The following HECW1 variants were observed in gnomAD, a reference collection of about 807,000 sequenced individuals.
HECW1 encodes the protein E3 ubiquitin-protein ligase HECW1.
HECW1 carries 61 observed loss-of-function variants against 182.3 expected under a neutral mutation model. The observed-to-expected ratio is 0.33, with a 90% confidence interval of 0.27 to 0.41. HECW1 has a LOEUF of 0.41. HECW1 is among the 10% of genes least tolerant of loss of function. The pLI, the probability that HECW1 is intolerant of heterozygous loss-of-function variation, is 1.00. For missense variants in HECW1, 1,739 were observed against 2,108.9 expected (o/e 0.82, Z 3.44); for synonymous variants, 859 against 832.6 (o/e 1.03, Z -0.55).
intron 3 of HECW1, among the ~76,000 whole-genome samples, chr7:43,288,558 C>T (rs1804967640): frequency 6.6e-6 from 1 of 152,188 alleles, no homozygotes; most frequent in African/African-American, 2.4e-5. Context: ...GCCCCGCTCT[C>T]CACTCACTCA....
intron 2 of HECW1, among the ~76,000 whole-genome samples, chr7:43,166,249 A>G (rs916899758): frequency 6.6e-6 from 1 of 152,062 alleles, no homozygotes; most frequent in Non-Finnish European, 1.5e-5. Flanking sequence ...ACAGCCAGCT[A>G]CTTTTGTATT....
At chr7:43,341,744 T>G (rs1813026690) in intron 5 of HECW1, among the ~76,000 whole-genome samples, 1 of 151,838 alleles carries the variant, frequency 6.6e-6, no homozygotes, top group Non-Finnish European at 1.5e-5. Context: ...TAATACAGCA[T>G]TCTAAATCAT....
At chr7:43,493,470 A>C (rs186607863) in intron 19 of HECW1, among the ~76,000 whole-genome samples, 1 of 152,370 alleles carries the variant, frequency 6.6e-6, no homozygotes, top group African/African-American at 2.4e-5. Flanking sequence ...CTTCCATTAA[A>C]AAATTATTTA....
intron 2 of HECW1, among the ~76,000 whole-genome samples, chr7:43,212,542 C>T (rs1796090837): frequency 6.6e-6 from 1 of 151,986 alleles, no homozygotes; most frequent in African/African-American, 2.4e-5. Context: ...CATATGCACA[C>T]AATTACAGAA....
At chr7:43,156,829 A>C (rs1195664808) in intron 2 of HECW1, among the ~76,000 whole-genome samples, 1 of 151,576 alleles carries the variant, frequency 6.6e-6, no homozygotes, top group Non-Finnish European at 1.5e-5. Flanking sequence ...TCACCACATT[A>C]TCTTCCCACA....
chr7:43,143,641 T>C (rs1788400937), intron 2 of HECW1, among the ~76,000 whole-genome samples: 1 of 152,168 alleles, frequency 6.6e-6, no homozygotes, highest in South Asian at 2.1e-4. Flanking sequence ...GTGGGCATAA[T>C]TGTAGGAGTC....
intron 26 of HECW1, among the ~76,000 whole-genome samples, chr7:43,542,529 A>G (rs1422413764): frequency 6.6e-6 from 1 of 151,328 alleles, no homozygotes; most frequent in East Asian, 1.9e-4. Flanking sequence ...TATTATATAT[A>G]TATAAACAAA....
chr7:43,520,020 G>T (rs17209094), intron 24 of HECW1, among the ~76,000 whole-genome samples: 1 of 151,944 alleles, frequency 6.6e-6, no homozygotes, highest in Non-Finnish European at 1.5e-5. Flanking sequence ...TACATCTGTG[G>T]GTAAAAAATA....
intron 12 of HECW1, among the ~76,000 whole-genome samples, chr7:43,454,851 T>C (rs1240296477): frequency 6.6e-6 from 1 of 152,248 alleles, no homozygotes; most frequent in Non-Finnish European, 1.5e-5. Context: ...CTGAAAAGGC[T>C]GGATGGTTTT....
At chr7:43,203,407 G>C (rs752655647) in intron 2 of HECW1, among the ~76,000 whole-genome samples, 59 of 152,100 alleles carry the variant, frequency 3.9e-4, no homozygotes, top group South Asian at 1.2e-3. Flanking sequence ...TTCCTGGAGT[G>C]AGATTACTGA....
chr7:43,174,140 C>G (rs936601316), intron 2 of HECW1, among the ~76,000 whole-genome samples: 1 of 152,138 alleles, frequency 6.6e-6, no homozygotes, highest in Admixed American at 6.6e-5. Context: ...AGTGCCTAGC[C>G]TTAAATGAGT....
chr7:43,452,045 T>C (rs995200900), intron 12 of HECW1, among the ~76,000 whole-genome samples: 1 of 152,248 alleles, frequency 6.6e-6, no homozygotes, highest in African/African-American at 2.4e-5. Flanking sequence ...ATCTTTTATA[T>C]GTGGACTAAT....
At chr7:43,477,688 T>C (rs1585028605) in intron 16 of HECW1, among the ~76,000 whole-genome samples, 1 of 152,318 alleles carries the variant, frequency 6.6e-6, no homozygotes, top group African/African-American at 2.4e-5. Flanking sequence ...ATGATATTAG[T>C]AGTGTTGTTA....
At chr7:43,167,485 C>G (rs936664208) in intron 2 of HECW1, among the ~76,000 whole-genome samples, 5 of 152,156 alleles carry the variant, frequency 3.3e-5, no homozygotes, top group African/African-American at 1.2e-4. Context: ...TATTCAACAA[C>G]TCCAGATGGA....
intron 5 of HECW1, among the ~76,000 whole-genome samples, chr7:43,335,966 T>G (rs1052862636): frequency 7.3e-6 from 1 of 136,500 alleles, no homozygotes; most frequent in Non-Finnish European, 1.5e-5. Flanking sequence ...CCTTCCTTCC[T>G]TTCCCTCTCT....
intron 3 of HECW1, among the ~76,000 whole-genome samples, chr7:43,274,749 T>C (rs1485900989): frequency 6.6e-6 from 1 of 152,188 alleles, no homozygotes; most frequent in Admixed American, 6.5e-5. Flanking sequence ...TACACACTTA[T>C]TGAGCACCTA....
In HECW1 at chr7:43,341,789, A is replaced by G. The variant is rs939782723; in HGVS notation, c.461-19097A>G. 4.6e-5 allele frequency among the ~76,000 whole-genome samples: 7 copies of G among 151,828 alleles called. 1 individual carries two copies. The highest frequency in any genetic ancestry group is 1.5e-4 in the African/African-American group (6 of 41,108). ...TGGAAGTACAAATCCAAGTTAGATGATACCTGTATCAAATTATAAAATTTT... is the reference window on the plus strand; with the variant it reads ...TGGAAGTACAAATCCAAGTTAGATGGTACCTGTATCAAATTATAAAATTTT... On this transcript the variant is annotated intron_variant, in intron 5 of 29. Transcript: ENST00000395891.
At chr7:43,478,095 T>C (rs1172158152) in intron 16 of HECW1, among the ~76,000 whole-genome samples, 1 of 152,184 alleles carries the variant, frequency 6.6e-6, no homozygotes, top group Non-Finnish European at 1.5e-5. Flanking sequence ...ATATATATGG[T>C]ACTCAGACAT....
chr7:43,198,450 C>T lies in HECW1; in HGVS notation c.-31-45425C>T, dbSNP rs200362403. Among the ~76,000 whole-genome samples the T allele has an allele frequency of 6.0e-5, 9 of 149,972 alleles. No homozygotes were observed. In the East Asian group the frequency reaches 1.8e-3, roughly 30 times the overall value. Reference sequence around the variant, plus strand: ...ATACTCACATTCACACACTCACCCACCCTAACACGTACCCACCATAGTCAC... The same window carrying T: ...ATACTCACATTCACACACTCACCCATCCTAACACGTACCCACCATAGTCAC... On this transcript the variant is annotated intron_variant, in intron 2 of 29. Transcript: ENST00000395891.
Sources: allele counts gnomAD v4.1 joint callset (sites outside exome capture counted in the v4.1 genomes callset), GRCh38; gene constraint gnomAD v4.1.1; transcripts MANE v1.5; gene names NCBI Gene and HGNC (gene_info 2026-07-23, HGNC 2026-07-21).